Variants in ATE1 observed in about 807,000 individuals in gnomAD.
ATE1 encodes arginyltransferase 1.
ATE1 carries 36 observed loss-of-function variants against 70.5 expected under a neutral mutation model. The ratio of observed to expected loss-of-function variants is 0.51; its 90% CI spans 0.39 to 0.67. ATE1 has a LOEUF of 0.67. ATE1 is among the 30% of genes least tolerant of loss of function. The pLI, the probability that ATE1 is intolerant of heterozygous loss-of-function variation, is 0.00. For synonymous variants in ATE1, 232 were observed against 219.3 expected, an observed-to-expected ratio of 1.06 and a Z score of -0.51; for missense variants, 593 against 629.5, an observed-to-expected ratio of 0.94 and a Z score of 0.62.
At chr10:121,875,303 TTTTTG>T (rs1369094021) in intron 7 of ATE1, among the ~76,000 whole-genome samples, 480 of 29,498 alleles carry the variant, frequency 0.016, 6 homozygotes, top group African/African-American at 0.039. Flanking sequence ...TTTTGGTTTT[TTTTTG>T]TTTTTTTTTT....
At chr10:121,838,570 C>G (rs540882388) in intron 9 of ATE1, among the ~76,000 whole-genome samples, 1 of 152,232 alleles carries the variant, frequency 6.6e-6, no homozygotes, top group East Asian at 1.9e-4. Context: ...CTGTTCTCTA[C>G]GAGGAAAGAC....
upstream of ATE1, chr10:121,928,113 C>T (rs578151278): frequency 7.9e-5 from 97 of 1,228,960 alleles, no homozygotes; most frequent in South Asian, 2.7e-3. Context: ...GGAGCTGACG[C>T]CGCCCGCGCC....
chr10:121,805,691 T>C (rs184942618), intron 10 of ATE1, among the ~76,000 whole-genome samples: 69 of 152,360 alleles, frequency 4.5e-4, no homozygotes, highest in African/African-American at 1.5e-3. Flanking sequence ...CATATTTATA[T>C]TTTAAATATT....
At chr10:121,885,949 C>T (rs949310234) in intron 7 of ATE1, among the ~76,000 whole-genome samples, 3 of 151,956 alleles carry the variant, frequency 2.0e-5, no homozygotes, top group Middle Eastern at 3.4e-3. Context: ...TCAAAATGTT[C>T]GGATCTTACT....
At chr10:121,832,519 A>C (rs1437870905) in intron 10 of ATE1, among the ~76,000 whole-genome samples, 1 of 148,692 alleles carries the variant, frequency 6.7e-6, no homozygotes, top group Non-Finnish European at 1.5e-5. Context: ...AGATAATCTG[A>C]ATCAAGGGGG....
chr10:121,809,757 G>A (rs183578882), intron 10 of ATE1, among the ~76,000 whole-genome samples: 29 of 152,164 alleles, frequency 1.9e-4, no homozygotes, highest in Non-Finnish European at 8.8e-5. Context: ...GTTATGCAAT[G>A]AGGTGGAAGA....
At chr10:121,866,788 G>A (rs767821668) in intron 8 of ATE1, among the ~76,000 whole-genome samples, 4 of 148,002 alleles carry the variant, frequency 2.7e-5, no homozygotes, top group Admixed American at 6.8e-5. Context: ...AGAGGCTGCA[G>A]TATGCTGAGA....
At chr10:121,821,530 G>C (rs1228224154) in intron 10 of ATE1, among the ~76,000 whole-genome samples, 1 of 152,094 alleles carries the variant, frequency 6.6e-6, no homozygotes, top group East Asian at 1.9e-4. Flanking sequence ...TTTATAAATG[G>C]TCGATACACA....
At chr10:121,863,252 CTTTT>C (rs1162295975) in intron 8 of ATE1, among the ~76,000 whole-genome samples, 21 of 127,352 alleles carry the variant, frequency 1.6e-4, no homozygotes, top group African/African-American at 5.9e-4. Context: ...CTGAAGTCTA[CTTTT>C]TTTTTTTTTT....
intron 3 of ATE1, among the ~76,000 whole-genome samples, chr10:121,917,652 A>G (rs1054846238): frequency 6.6e-6 from 1 of 152,212 alleles, no homozygotes; most frequent in Admixed American, 6.5e-5. Context: ...AAGAAAAAAA[A>G]TGCAAGTGTT....
At chr10:121,797,819 C>T (rs538716355) in intron 10 of ATE1, among the ~76,000 whole-genome samples, 3 of 152,318 alleles carry the variant, frequency 2.0e-5, no homozygotes, top group South Asian at 2.1e-4. Context: ...TTTTGCTCAA[C>T]GTCACATTCT....
intron 11 of ATE1, among the ~76,000 whole-genome samples, chr10:121,744,754 G>A (rs1944280799): frequency 6.6e-6 from 1 of 152,172 alleles, no homozygotes; most frequent in Admixed American, 6.5e-5. Flanking sequence ...GTTTTCTTCA[G>A]GGTACACAGG....
chr10:121,848,325 C>T (rs1564891946), intron 8 of ATE1, among the ~76,000 whole-genome samples: 1 of 144,934 alleles, frequency 6.9e-6, no homozygotes, highest in Non-Finnish European at 1.5e-5. Context: ...CATTAAAAAA[C>T]TTATTTATCG....
chr10:121,876,830 G>A (rs1436256317), intron 7 of ATE1, among the ~76,000 whole-genome samples: 6 of 152,032 alleles, frequency 3.9e-5, no homozygotes, highest in East Asian at 1.9e-4. Flanking sequence ...GCCGGGCGTG[G>A]TGGCGGGCGC....
intron 3 of ATE1, among the ~76,000 whole-genome samples, chr10:121,915,433 G>A (rs1951610085): frequency 6.6e-6 from 1 of 152,006 alleles, no homozygotes; most frequent in Admixed American, 6.6e-5. Flanking sequence ...AAAGAAAATG[G>A]AGGTGAAAAG....
intron 11 of ATE1, among the ~76,000 whole-genome samples, chr10:121,749,194 C>T (rs972733487): frequency 6.6e-6 from 1 of 152,106 alleles, no homozygotes; most frequent in African/African-American, 2.4e-5. Context: ...CCCAATACAC[C>T]AGGTTCTAAC....
chr10:121,779,270 G>A (rs957973265), intron 11 of ATE1, among the ~76,000 whole-genome samples: 5 of 152,060 alleles, frequency 3.3e-5, no homozygotes, highest in African/African-American at 9.7e-5. Context: ...TGGAAAAGCC[G>A]GGCTGCTGAA....
intron 7 of ATE1, among the ~76,000 whole-genome samples, chr10:121,884,497 G>GA (rs1257869779): frequency 1.3e-5 from 2 of 152,052 alleles, no homozygotes; most frequent in Non-Finnish European, 2.9e-5. Flanking sequence ...ACCAAGGCAG[G>GA]AGAGACTGCT....
intron 7 of ATE1, among the ~76,000 whole-genome samples, chr10:121,898,509 A>C (rs1197063255): frequency 1.3e-5 from 2 of 152,110 alleles, no homozygotes; most frequent in Non-Finnish European, 2.9e-5. Context: ...TTTGATTATC[A>C]ATTTCTTGAA....
Sources: allele counts gnomAD v4.1 joint callset (sites outside exome capture counted in the v4.1 genomes callset), GRCh38; gene constraint gnomAD v4.1.1; transcripts MANE v1.5; gene names NCBI Gene and HGNC (gene_info 2026-07-23, HGNC 2026-07-21).